The following SUGCT variants were observed in gnomAD, a reference collection of about 807,000 sequenced individuals.
SUGCT encodes succinyl-CoA:glutarate-CoA transferase, also known as succinyl-CoA:glutarate CoA-transferase.
A neutral mutation model predicts 55.0 loss-of-function variants in SUGCT; 41 were observed. The observed-to-expected ratio is 0.74, with a 90% CI of 0.58 to 0.97. The LOEUF (loss-of-function observed/expected upper bound fraction) is 0.97. Among genes scored for constraint, SUGCT ranks in the 50% least tolerant of loss-of-function variants. SUGCT has a pLI of 0.00. For missense variants in SUGCT, 568 were observed against 547.8 expected, an observed-to-expected ratio of 1.04 and a Z score of -0.37; for synonymous variants, 187 against 200.4, an observed-to-expected ratio of 0.93 and a Z score of 0.56.
intron 9 of SUGCT, among the ~76,000 whole-genome samples, chr7:40,336,939 G>T (rs950295140): frequency 3.3e-5 from 5 of 152,114 alleles, no homozygotes; most frequent in African/African-American, 1.2e-4. Context: ...AGAGATTCTG[G>T]TATGTTGTGT....
chr7:40,255,427 C>T (rs1002997240), intron 7 of SUGCT, among the ~76,000 whole-genome samples: 113 of 151,114 alleles, frequency 7.5e-4, no homozygotes, highest in African/African-American at 2.6e-3. Flanking sequence ...CTTGGGAGGC[C>T]GGGGCCGGCT....
chr7:40,339,190 G>A (rs1796903068), intron 9 of SUGCT, among the ~76,000 whole-genome samples: 1 of 152,196 alleles, frequency 6.6e-6, no homozygotes, highest in African/African-American at 2.4e-5. Context: ...GCTACTCAGG[G>A]ATCAGGGGCA....
At chr7:40,941,697 C>A in the SUGCT span, among the ~76,000 whole-genome samples, 2 of 151,916 alleles carry the variant, frequency 1.3e-5, no homozygotes, top group Non-Finnish European at 2.9e-5. Flanking sequence ...TGTGCTGCTG[C>A]CTATCACTTT....
chr7:40,781,666 A>G (rs968965037), intron 13 of SUGCT, among the ~76,000 whole-genome samples: 2 of 152,202 alleles, frequency 1.3e-5, no homozygotes, highest in African/African-American at 4.8e-5. Flanking sequence ...TCAGGGGTCT[A>G]CTGATGGTTG....
intron 7 of SUGCT, among the ~76,000 whole-genome samples, chr7:40,271,558 C>T (rs1322342492): frequency 2.0e-5 from 3 of 151,962 alleles, no homozygotes; most frequent in East Asian, 1.9e-4. Context: ...TTTTAAAAAT[C>T]GATACATAAT....
intron 8 of SUGCT, among the ~76,000 whole-genome samples, chr7:40,303,606 C>T (rs1209239913): frequency 6.6e-6 from 1 of 152,130 alleles, no homozygotes; most frequent in Non-Finnish European, 1.5e-5. Flanking sequence ...GCCTCAGCCT[C>T]CTGAGTAGAT....
chr7:40,834,399 A>T (rs1792855075), intron 13 of SUGCT, among the ~76,000 whole-genome samples: 1 of 152,220 alleles, frequency 6.6e-6, no homozygotes, highest in Non-Finnish European at 1.5e-5. Flanking sequence ...TTTTTCCACC[A>T]GAAGTATTCA....
At chr7:40,951,272 G>A in the SUGCT span, among the ~76,000 whole-genome samples, 1 of 152,092 alleles carries the variant, frequency 6.6e-6, no homozygotes, top group Admixed American at 6.6e-5. Context: ...ATTCTCTGAT[G>A]GTAGTTTGTA....
At chr7:40,493,951 C>A (rs1791834475) in intron 11 of SUGCT, among the ~76,000 whole-genome samples, 1 of 152,098 alleles carries the variant, frequency 6.6e-6, no homozygotes, top group Non-Finnish European at 1.5e-5. Context: ...ATTTCAGAAC[C>A]CTTCCACACC....
intron 8 of SUGCT, among the ~76,000 whole-genome samples, chr7:40,296,030 C>CAGCACA (rs1183173594): frequency 3.3e-5 from 5 of 152,154 alleles, no homozygotes; most frequent in Non-Finnish European, 2.9e-5. Context: ...TCATGTTAGG[C>CAGCACA]AGCACAAAAG....
chr7:40,746,866 G>A (rs1302151703), intron 12 of SUGCT, among the ~76,000 whole-genome samples: 1 of 152,192 alleles, frequency 6.6e-6, no homozygotes, highest in African/African-American at 2.4e-5. Flanking sequence ...TCTTTCGTGA[G>A]TAGCACTGCA....
chr7:40,838,595 T>G (rs1793113394), intron 13 of SUGCT, among the ~76,000 whole-genome samples: 1 of 152,046 alleles, frequency 6.6e-6, no homozygotes, highest in African/African-American at 2.4e-5. Flanking sequence ...TTTGCGTCTT[T>G]TATCTTGTAT....
intron 7 of SUGCT, among the ~76,000 whole-genome samples, chr7:40,250,460 T>C (rs1264576679): frequency 6.6e-6 from 1 of 151,710 alleles, no homozygotes; most frequent in South Asian, 2.1e-4. Flanking sequence ...ACTGAAACAA[T>C]GTCAAAAATA....
chr7:40,354,905 C>T (rs571450701), intron 9 of SUGCT, among the ~76,000 whole-genome samples: 1 of 152,292 alleles, frequency 6.6e-6, no homozygotes, highest in South Asian at 2.1e-4. Flanking sequence ...GAGGTTGACC[C>T]TATCATGTAG....
intron 9 of SUGCT, among the ~76,000 whole-genome samples, chr7:40,345,322 GTGT>G (rs1308088910): frequency 6.6e-6 from 1 of 152,136 alleles, no homozygotes; most frequent in Non-Finnish European, 1.5e-5. Flanking sequence ...CCTAAATCTG[GTGT>G]TGTCAATGTC....
intron 13 of SUGCT, among the ~76,000 whole-genome samples, chr7:40,852,883 G>T (rs910144267): frequency 2.6e-5 from 4 of 151,722 alleles, no homozygotes; most frequent in African/African-American, 9.7e-5. Flanking sequence ...TTTGTTCATT[G>T]TTTGCCTCCC....
chr7:40,210,751 C>T (rs1787291270), intron 6 of SUGCT, among the ~76,000 whole-genome samples: 1 of 151,974 alleles, frequency 6.6e-6, no homozygotes, highest in African/African-American at 2.4e-5. Context: ...AAACTAATTC[C>T]GTTTGGCTAA....
rs973479300 is a variant in SUGCT, at chr7:40,423,669, A to G, written c.817-25618A>G. ...TGGAAACATTGACATAAACCTCATT[A>G]CACTGGCTCCAATGTGTTGCTATCA... On this transcript the variant is annotated intron_variant, in intron 9 of 13. Coordinates refer to ENST00000335693, the MANE Select transcript of SUGCT (RefSeq NM_001193313.2). 5.3e-5 allele frequency among the ~76,000 whole-genome samples: 8 copies of G among 152,244 alleles called. No homozygotes were observed. In the East Asian group the frequency reaches 1.5e-3, roughly 29 times the overall value.
At chr7:40,592,228 G>A (rs1030947615) in intron 12 of SUGCT, among the ~76,000 whole-genome samples, 11 of 152,116 alleles carry the variant, frequency 7.2e-5, no homozygotes, top group Non-Finnish European at 1.5e-4. Flanking sequence ...ATTATGGGCC[G>A]TCCAATTTAG....
Sources: allele counts gnomAD v4.1 joint callset (sites outside exome capture counted in the v4.1 genomes callset), GRCh38; gene constraint gnomAD v4.1.1; transcripts MANE v1.5; gene names NCBI Gene and HGNC (gene_info 2026-07-23, HGNC 2026-07-21).